Variants in MBOAT1 observed in about 807,000 individuals in gnomAD.
MBOAT1 encodes the protein membrane bound glycerophospholipid O-acyltransferase 1, also known as membrane-bound glycerophospholipid O-acyltransferase 1.
Under a neutral mutation model 64.4 loss-of-function variants are expected in MBOAT1, and 67 were observed. The observed-to-expected ratio is 1.04, with a 90% CI of 0.85 to 1.27. The LOEUF (loss-of-function observed/expected upper bound fraction) is 1.27, where lower values mean the gene tolerates loss of function less well. MBOAT1 is among the 50% of genes most tolerant of loss of function. The pLI is 0.00. For missense variants in MBOAT1, 563 were observed against 604.6 expected (o/e 0.93, Z 0.72); for synonymous variants, 229 against 218.9 (o/e 1.05, Z -0.41).
intron 1 of MBOAT1, among the ~76,000 whole-genome samples, chr6:20,204,957 G>C (rs1041895616): frequency 6.6e-6 from 1 of 152,188 alleles, no homozygotes; most frequent in African/African-American, 2.4e-5. Context: ...CGCATTTTGG[G>C]AGGCTGAGGT....
chr6:20,212,384 A>C lies in MBOAT1; in HGVS notation c.-150T>G, dbSNP rs2113785358. On this transcript the variant is annotated 5_prime_UTR_variant, in exon 1 of 13. Transcript: ENST00000324607. Reference sequence around the variant, plus strand: ...GCGAACGGGAGGCCGGGGAATGCGAACCGGCGCAAACTCTCGAGGCGCAAA... The same window carrying C: ...GCGAACGGGAGGCCGGGGAATGCGACCCGGCGCAAACTCTCGAGGCGCAAA... 1.5e-6 allele frequency: 1 copy of C among 665,420 alleles called. No individual in the cohort carries two copies. Among genetic ancestry groups the C allele is most frequent in the Admixed American group, 2.9e-5 (1 of 34,382 alleles). The allele number at this position is 665,420 out of a possible 1,614,324, so 41.2% of individuals were successfully genotyped here.
intron 1 of MBOAT1, among the ~76,000 whole-genome samples, chr6:20,162,822 A>T (rs1357019880): frequency 6.6e-6 from 1 of 152,132 alleles, no homozygotes; most frequent in East Asian, 1.9e-4. Context: ...CTTTCCAACA[A>T]CTGTTCTTTG....
intron 8 of MBOAT1, among the ~76,000 whole-genome samples, chr6:20,121,192 A>G (rs1186963198): frequency 5.9e-5 from 9 of 152,240 alleles, no homozygotes; most frequent in Non-Finnish European, 1.5e-5. Context: ...GCCAGCTTTA[A>G]GGATTAAATT....
intron 1 of MBOAT1, among the ~76,000 whole-genome samples, chr6:20,168,483 G>GAC (rs1561772941): frequency 2.3e-5 from 3 of 128,744 alleles, no homozygotes; most frequent in Non-Finnish European, 4.8e-5. Flanking sequence ...CAGAGACAGA[G>GAC]ACAGAGACAG....
intron 1 of MBOAT1, among the ~76,000 whole-genome samples, chr6:20,185,392 A>G (rs1762622540): frequency 6.6e-6 from 1 of 152,224 alleles, no homozygotes; most frequent in Non-Finnish European, 1.5e-5. Flanking sequence ...TAATATTTAA[A>G]TCAGTAGAAT....
intron 3 of MBOAT1, among the ~76,000 whole-genome samples, chr6:20,145,634 C>T (rs1184873169): frequency 6.6e-6 from 1 of 152,236 alleles, no homozygotes; most frequent in East Asian, 1.9e-4. Flanking sequence ...ACACGCTAAG[C>T]TCTACCTCGC....
rs780865366 is a variant in MBOAT1, at chr6:20,126,655, G to A, written c.576C>T (p.Phe192=). Residue 192 remains phenylalanine, a synonymous_variant, in exon 7 of 13, where the codon TTC becomes TTT. Coordinates refer to ENST00000324607, the MANE Select transcript of MBOAT1 (RefSeq NM_001080480.3). The part of the protein sequence containing the change: ...FLEYLSYLLN[F]MSVIAGPCNN... ...TACAAGGACCAGCTATGACACTCAT[G>A]AAATTGAGAAGGTAACTTAAGTATT... is the stretch of plus-strand genomic sequence containing the variant. The A allele has an allele frequency of 7.4e-6, 12 of 1,612,930 alleles. No homozygotes were observed. The African/African-American group carries it at 1.5e-4, about 20-fold the overall frequency.
At chr6:20,174,085 C>G (rs1398549816) in intron 1 of MBOAT1, among the ~76,000 whole-genome samples, 2 of 152,124 alleles carry the variant, frequency 1.3e-5, no homozygotes, top group Non-Finnish European at 2.9e-5. Flanking sequence ...GTCTTAGCAC[C>G]GACCACACAG....
chr6:20,185,645 G>A (rs922259274), intron 1 of MBOAT1, among the ~76,000 whole-genome samples: 1 of 152,122 alleles, frequency 6.6e-6, no homozygotes, highest in Non-Finnish European at 1.5e-5. Flanking sequence ...GTTTTGTTTT[G>A]TGTGGAGAAC....
At chr6:20,202,257 T>A (rs1244619891) in intron 1 of MBOAT1, among the ~76,000 whole-genome samples, 1 of 152,180 alleles carries the variant, frequency 6.6e-6, no homozygotes, top group African/African-American at 2.4e-5. Flanking sequence ...AATTCCTTGT[T>A]TGAAATAAGA....
At chr6:20,105,012 T>C (rs1253630947) in intron 12 of MBOAT1, among the ~76,000 whole-genome samples, 1 of 152,196 alleles carries the variant, frequency 6.6e-6, no homozygotes, top group Non-Finnish European at 1.5e-5. Flanking sequence ...CAAGTGACCA[T>C]CTAATCTACT....
At chr6:20,203,841 A>G (rs781515302) in intron 1 of MBOAT1, among the ~76,000 whole-genome samples, 23 of 151,962 alleles carry the variant, frequency 1.5e-4, no homozygotes, top group Non-Finnish European at 3.1e-4. Flanking sequence ...CAACCAACAG[A>G]AAAGGGGCCC....
chr6:20,114,231 T>C (rs897161673), intron 10 of MBOAT1, among the ~76,000 whole-genome samples: 2 of 152,228 alleles, frequency 1.3e-5, no homozygotes, highest in African/African-American at 4.8e-5. Context: ...CCATGAAAGA[T>C]GCTGCTTATC....
chr6:20,123,841 C>T lies in MBOAT1; in HGVS notation c.907+567G>A, dbSNP rs2483764. Among the ~76,000 whole-genome samples the T allele has an allele frequency of 1.8e-4, 28 of 152,048 alleles. 1 individual carries two copies. The South Asian group carries it at 5.4e-3, about 29-fold the overall frequency. On this transcript the variant is annotated intron_variant, in intron 8 of 12. Transcript: ENST00000324607. Reference sequence around the variant, plus strand: ...GGAGGCCAGGGCGGGCAGATCACGACGTCAGGAGATCGAGACCATCCTGGC... The same window carrying T: ...GGAGGCCAGGGCGGGCAGATCACGATGTCAGGAGATCGAGACCATCCTGGC...
At chr6:20,176,391 T>C (rs1762342764) in intron 1 of MBOAT1, among the ~76,000 whole-genome samples, 1 of 152,320 alleles carries the variant, frequency 6.6e-6, no homozygotes, top group East Asian at 1.9e-4. Flanking sequence ...TCTGTTTCTG[T>C]TTAATACAAT....
At chr6:20,118,138 C>G (rs544777833) in intron 9 of MBOAT1, among the ~76,000 whole-genome samples, 2 of 152,102 alleles carry the variant, frequency 1.3e-5, no homozygotes, top group Non-Finnish European at 2.9e-5. Context: ...CTGGTACTTT[C>G]TAGTTGAAAG....
intron 8 of MBOAT1, among the ~76,000 whole-genome samples, chr6:20,118,895 A>T (rs770843896): frequency 5.9e-5 from 9 of 152,198 alleles, no homozygotes; most frequent in Non-Finnish European, 7.3e-5. Flanking sequence ...AGGAGGGGAG[A>T]AAAGAAAGGT....
In MBOAT1 at chr6:20,124,413, G is replaced by A. The variant is rs1180448577; in HGVS notation, c.902C>T (p.Thr301Ile). 3.1e-6 allele frequency: 5 copies of A among 1,613,596 alleles called. No individual in the cohort carries two copies. Among genetic ancestry groups the A allele is most frequent in the Non-Finnish European group, 2.5e-6 (3 of 1,179,710 alleles). The change falls in exon 8 of 13, where the codon ACA becomes ATA. Residue 301 changes from threonine to isoleucine, a missense_variant. Transcript: ENST00000324607. ...AGCTACTCCATCAAACTTACCTAAT[G>A]TCCATGCAAAGTAATACTTGGGCTT... ...ASKPKYYFAW[T>I]LADAVNNAAG...
chr6:20,128,208 T>A (rs1760717623), intron 6 of MBOAT1, among the ~76,000 whole-genome samples: 2 of 152,018 alleles, frequency 1.3e-5, no homozygotes, highest in South Asian at 4.2e-4. Context: ...ACATCAACAC[T>A]GGCAAAGCCA....
Sources: allele counts gnomAD v4.1 joint callset (sites outside exome capture counted in the v4.1 genomes callset), GRCh38; gene constraint gnomAD v4.1.1; transcripts MANE v1.5; gene names NCBI Gene and HGNC (gene_info 2026-07-23, HGNC 2026-07-21).